The following VPS13B variants were observed in gnomAD, a reference collection of about 807,000 sequenced individuals.
VPS13B encodes vacuolar protein sorting 13 homolog B.
Under a neutral mutation model 426.4 loss-of-function variants are expected in VPS13B, and 285 were observed. The observed-to-expected ratio is 0.67, with a 90% CI of 0.61 to 0.74. VPS13B has a LOEUF of 0.74. Among genes scored for constraint, VPS13B ranks in the 30% least tolerant of loss-of-function variants. The pLI is 0.00. For synonymous variants in VPS13B, 1,676 were observed against 1,676.4 expected, an observed-to-expected ratio of 1.00 and a Z score of 0.01; for missense variants, 4,537 against 4,782.6, an observed-to-expected ratio of 0.95 and a Z score of 1.51.
intron 33 of VPS13B, among the ~76,000 whole-genome samples, chr8:99,622,807 T>C (rs1186533567): frequency 1.3e-5 from 2 of 152,216 alleles, no homozygotes; most frequent in Non-Finnish European, 2.9e-5. Flanking sequence ...GTTTCTTTCT[T>C]AGACGTTGTA....
intron 17 of VPS13B, among the ~76,000 whole-genome samples, chr8:99,223,983 C>G (rs889084893): frequency 1.5e-4 from 23 of 152,144 alleles, no homozygotes; most frequent in Non-Finnish European, 2.9e-4. Context: ...GCATTCCAAA[C>G]TGTTTGATAT....
At chr8:99,044,230 C>T (rs1035576580) in intron 3 of VPS13B, among the ~76,000 whole-genome samples, 3 of 151,028 alleles carry the variant, frequency 2.0e-5, no homozygotes, top group African/African-American at 7.3e-5. Context: ...GCTACAGGCG[C>T]CCACCACCTC....
intron 34 of VPS13B, 27 bp from the exon 35 acceptor site, chr8:99,661,327 T>C: frequency 1.2e-6 from 2 of 1,613,128 alleles, no homozygotes; most frequent in Non-Finnish European, 1.7e-6. Flanking sequence ...GTAACTGATG[T>C]TTTTAATTTC....
chr8:99,718,466 G>T (rs564060149), intron 37 of VPS13B, among the ~76,000 whole-genome samples: 20 of 152,156 alleles, frequency 1.3e-4, no homozygotes, highest in Admixed American at 1.3e-3. Context: ...TGTCTTAACA[G>T]CCAAATATAG....
intron 36 of VPS13B, among the ~76,000 whole-genome samples, chr8:99,711,101 G>A (rs996894532): frequency 4.6e-5 from 7 of 152,074 alleles, no homozygotes; most frequent in Non-Finnish European, 7.4e-5. Context: ...ATGTTCAAAG[G>A]AAATATCTAT....
intron 3 of VPS13B, among the ~76,000 whole-genome samples, chr8:99,072,484 C>T (rs999824424): frequency 5.9e-5 from 9 of 152,110 alleles, no homozygotes; most frequent in African/African-American, 2.2e-4. Flanking sequence ...TTTCCCTCTC[C>T]TCTCCCACTC....
At chr8:99,588,792 G>A (rs186482139) in intron 33 of VPS13B, among the ~76,000 whole-genome samples, 5 of 151,776 alleles carry the variant, frequency 3.3e-5, no homozygotes, top group Non-Finnish European at 5.9e-5. Flanking sequence ...CTTCCTGATT[G>A]AATGCCCTTT....
chr8:99,293,740 G>C (rs1445276127), intron 19 of VPS13B, among the ~76,000 whole-genome samples: 1 of 152,114 alleles, frequency 6.6e-6, no homozygotes, highest in Non-Finnish European at 1.5e-5. Context: ...GACATGAACA[G>C]ACACTTCTCA....
At chr8:99,339,937 A>G (rs908964245) in intron 19 of VPS13B, among the ~76,000 whole-genome samples, 1 of 152,212 alleles carries the variant, frequency 6.6e-6, no homozygotes, top group East Asian at 1.9e-4. Context: ...TTTAATGCCA[A>G]CAAATAACAA....
At position 99,111,080 on chromosome 8, in the gene VPS13B, G is replaced by A. The variant is rs2132481452; in HGVS notation, c.581-18G>A. ...GCTAATTTTCCTTTTTACTTAAAAT[G>A]TTTTTTTTTCTTTTTAGCAACTGAT... is the stretch of plus-strand genomic sequence containing the variant. On this transcript the variant is annotated intron_variant, in intron 5 of 61. Transcript: ENST00000357162. 1 of 1,569,778 alleles carries A rather than the reference G, an allele frequency of 6.4e-7. No individual in the cohort carries two copies. The highest frequency in any genetic ancestry group is 8.7e-7 in the Non-Finnish European group (1 of 1,152,428).
rs572246599 is a variant in VPS13B, at chr8:99,394,198, T to C, written c.3082+2494T>C. Among the ~76,000 whole-genome samples, 3 of 152,328 alleles carry C rather than the reference T, an allele frequency of 2.0e-5. No homozygotes were observed. In the East Asian group the frequency reaches 5.8e-4, roughly 29 times the overall value. ...AGTGGAGAAATGTTAATGTTCATTT[T>C]ATTTCTGAGTTCTTATTAAAATTAT... On this transcript the variant is annotated intron_variant, in intron 21 of 61. Transcript: ENST00000357162.
At chr8:99,842,778 CTT>C (rs1563503397) in intron 54 of VPS13B, among the ~76,000 whole-genome samples, 1 of 152,142 alleles carries the variant, frequency 6.6e-6, no homozygotes, top group African/African-American at 2.4e-5. Flanking sequence ...TAAAATGCTT[CTT>C]GTTAGTAATT....
intron 39 of VPS13B, among the ~76,000 whole-genome samples, chr8:99,756,148 A>C (rs1051756168): frequency 6.6e-6 from 1 of 152,206 alleles, no homozygotes; most frequent in East Asian, 1.9e-4. Flanking sequence ...TAATAATGAG[A>C]TTGAAACAAT....
intron 33 of VPS13B, among the ~76,000 whole-genome samples, chr8:99,581,201 A>G (rs943749152): frequency 2.6e-5 from 4 of 152,018 alleles, no homozygotes; most frequent in Non-Finnish European, 5.9e-5. Flanking sequence ...AAAGTATAAT[A>G]TGATAGGGGG....
chr8:99,441,763 T>C (rs142941465), intron 22 of VPS13B, among the ~76,000 whole-genome samples: 89 of 152,270 alleles, frequency 5.8e-4, no homozygotes, highest in African/African-American at 2.1e-3. Flanking sequence ...TTAGGTAATT[T>C]GAAGAATGAA....
At chr8:99,544,196 A>G (rs1157779234) in intron 30 of VPS13B, among the ~76,000 whole-genome samples, 1 of 152,166 alleles carries the variant, frequency 6.6e-6, no homozygotes, top group East Asian at 1.9e-4. Flanking sequence ...CATCATTCTC[A>G]GTAGACTATC....
At chr8:99,290,387 C>T (rs1819663568) in intron 19 of VPS13B, among the ~76,000 whole-genome samples, 3 of 152,078 alleles carry the variant, frequency 2.0e-5, no homozygotes, top group East Asian at 3.9e-4. Flanking sequence ...CCATCATTCT[C>T]AGCAAACTAA....
intron 3 of VPS13B, among the ~76,000 whole-genome samples, chr8:99,085,906 G>A (rs965281691): frequency 2.6e-5 from 4 of 152,166 alleles, no homozygotes; most frequent in African/African-American, 9.7e-5. Flanking sequence ...CAACTTTGGT[G>A]AATGTGACAA....
chr8:99,258,638 T>C (rs991103547), intron 17 of VPS13B, among the ~76,000 whole-genome samples: 1 of 152,112 alleles, frequency 6.6e-6, no homozygotes, highest in African/African-American at 2.4e-5. Flanking sequence ...AACTACTTCA[T>C]GTAATTAATT....
Sources: gnomAD v4.1 joint callset for allele counts (sites outside exome capture counted in the v4.1 genomes callset) on GRCh38, gnomAD v4.1.1 for gene constraint, MANE v1.5 for transcripts, NCBI Gene and HGNC (gene_info 2026-07-23, HGNC 2026-07-21) for gene names.